PHF2: variants seen among roughly 807,000 people sequenced by gnomAD.
PHF2 encodes the protein PHD finger protein 2, also known as lysine-specific demethylase PHF2.
Under a neutral mutation model 120.5 loss-of-function variants are expected in PHF2, and 27 were observed. The observed-to-expected ratio is 0.22, with a 90% CI of 0.17 to 0.31. The LOEUF (loss-of-function observed/expected upper bound fraction) is 0.31, where lower values mean the gene tolerates loss of function less well. Among genes scored for constraint, PHF2 ranks in the 10% least tolerant of loss-of-function variants. The pLI, the probability that PHF2 is intolerant of heterozygous loss-of-function variation, is 1.00. For missense variants in PHF2, 1,024 were observed against 1,434.8 expected (o/e 0.71, Z 4.63); for synonymous variants, 568 against 592.5 (o/e 0.96, Z 0.60).
intron 3 of PHF2, among the ~76,000 whole-genome samples, chr9:93,643,793 CCT>C (rs1304013040): frequency 6.6e-6 from 1 of 152,140 alleles, no homozygotes; most frequent in East Asian, 1.9e-4. Context: ...CAGATCTGTC[CCT>C]GTCCCCAGCT....
intron 2 of PHF2, among the ~76,000 whole-genome samples, chr9:93,634,687 G>A (rs1826061666): frequency 6.6e-6 from 1 of 152,226 alleles, no homozygotes; most frequent in Non-Finnish European, 1.5e-5. Flanking sequence ...TTGCTCTGAA[G>A]CTGAGCAGCC....
rs1229278927 is a variant in PHF2, at chr9:93,678,497, CAGGGCA to C, written c.*822_*827del. On this transcript the variant is annotated 3_prime_UTR_variant, in exon 22 of 22. Coordinates refer to ENST00000359246, the MANE Select transcript of PHF2 (RefSeq NM_005392.4). ...CAAGGCACCCCTGCCCTGGGACTGGCAGGGCAGGGGCAGGGGCAGGGACAGTGGCCA... is the reference window on the plus strand; with the variant it reads ...CAAGGCACCCCTGCCCTGGGACTGGCGGGGCAGGGGCAGGGACAGTGGCCA... 5 of 152,598 alleles carry C rather than the reference CAGGGCA, an allele frequency of 3.3e-5. No individual in the cohort carries two copies. The highest frequency in any genetic ancestry group is 6.5e-5 in the Admixed American group (1 of 15,290). The allele number at this position is 152,598 out of a possible 1,614,324, so 9.5% of individuals were successfully genotyped here.
At chr9:93,641,073 G>T (rs1051525834) in intron 3 of PHF2, among the ~76,000 whole-genome samples, 3 of 152,128 alleles carry the variant, frequency 2.0e-5, no homozygotes, top group African/African-American at 4.8e-5. Context: ...ATAATTTCAG[G>T]ATTAAATCTC....
intron 14 of PHF2, among the ~76,000 whole-genome samples, chr9:93,664,418 G>T (rs140032662): frequency 6.6e-6 from 1 of 152,206 alleles, no homozygotes; most frequent in Non-Finnish European, 1.5e-5. Flanking sequence ...CTCCCGGTGC[G>T]TGGGACATGT....
intron 1 of PHF2, 43 bp downstream of exon 1, chr9:93,576,914 G>C: frequency 1.1e-6 from 1 of 888,840 alleles, no homozygotes; most frequent in Non-Finnish European, 1.4e-6. Context: ...GCCCGGCCCG[G>C]CCACCTTGCC....
Position 93,662,909 on chromosome 9 carries a change from C to T in PHF2, c.1701C>T (p.Ala567=), listed in dbSNP as rs746772681. The change falls in exon 13 of 22, where the codon GCC becomes GCT. Residue 567 remains alanine, a splice_region_variant and synonymous_variant. Coordinates refer to ENST00000359246, the MANE Select transcript of PHF2 (RefSeq NM_005392.4). ...GTCACAGCAGCCCTTTTTTCTAGGC[C>T]ACAAAGAGTGTCCTGAGTGTGCCCA... ...TKMEPPKKGK[A]TKSVLSVPNK... 1.9e-5 allele frequency: 31 copies of T among 1,613,826 alleles called. No individual in the cohort carries two copies. Among genetic ancestry groups the T allele is most frequent in the Non-Finnish European group, 2.5e-5 (30 of 1,179,890 alleles).
chr9:93,615,420 A>G (rs1825716116), intron 1 of PHF2, among the ~76,000 whole-genome samples: 1 of 152,198 alleles, frequency 6.6e-6, no homozygotes, highest in Non-Finnish European at 1.5e-5. Flanking sequence ...GGTGATGATA[A>G]CTATGACAAG....
chr9:93,642,933 A>G (rs183761503), intron 3 of PHF2, among the ~76,000 whole-genome samples: 4 of 152,142 alleles, frequency 2.6e-5, no homozygotes, highest in East Asian at 3.9e-4. Flanking sequence ...TTCCTTTTCA[A>G]TATTGCCTGG....
chr9:93,645,853 TG>T, intron 4 of PHF2, 64 bp downstream of exon 4: 1 of 1,487,734 alleles, frequency 6.7e-7, no homozygotes, highest in East Asian at 2.4e-5. Context: ...CACCCACCAC[TG>T]TGCATGCTGT....
chr9:93,594,609 C>T (rs758296564), intron 1 of PHF2, among the ~76,000 whole-genome samples: 27 of 152,238 alleles, frequency 1.8e-4, no homozygotes, highest in Non-Finnish European at 4.0e-4. Flanking sequence ...TCCTCTGGCA[C>T]TGCCCTCCTG....
At position 93,591,490 on chromosome 9, in the gene PHF2, A is replaced by G. The variant is rs374250288; in HGVS notation, c.98+14619A>G. Among the ~76,000 whole-genome samples the G allele has an allele frequency of 7.2e-5, 11 of 152,298 alleles. No homozygotes were observed. The East Asian group carries it at 2.1e-3, about 30-fold the overall frequency. ...CGTGTGGACTGGGGGCGTCTCAGGG[A>G]GCAAGCCTCTTTTCACAAGCGGGAA... is the stretch of plus-strand genomic sequence containing the variant. On this transcript the variant is annotated intron_variant, in intron 1 of 21. Coordinates refer to ENST00000359246, the MANE Select transcript of PHF2 (RefSeq NM_005392.4).
chr9:93,612,832 GTC>G (rs1425577881), intron 1 of PHF2, among the ~76,000 whole-genome samples: 6 of 152,356 alleles, frequency 3.9e-5, no homozygotes, highest in Middle Eastern at 3.4e-3. Flanking sequence ...ACCCACCAGT[GTC>G]TCTGTGGGGT....
intron 4 of PHF2, among the ~76,000 whole-genome samples, chr9:93,646,922 TACTG>T (rs1441834923): frequency 2.6e-5 from 4 of 152,138 alleles, no homozygotes; most frequent in African/African-American, 9.7e-5. Context: ...GTGGGGTTCT[TACTG>T]AGGAGGAGGG....
chr9:93,614,512 G>C (rs1425670568), intron 1 of PHF2, among the ~76,000 whole-genome samples: 1 of 152,240 alleles, frequency 6.6e-6, no homozygotes, highest in East Asian at 1.9e-4. Flanking sequence ...TTTGGGTGAA[G>C]TGGGGGCACA....
chr9:93,662,566 G>A (rs1057186369), intron 12 of PHF2, among the ~76,000 whole-genome samples: 2 of 68,662 alleles, frequency 2.9e-5, no homozygotes, highest in Non-Finnish European at 6.9e-5. Flanking sequence ...ATGGATGGAT[G>A]GATGGATGAA....
Position 93,677,557 on chromosome 9 carries a change from C to T in PHF2, c.3203-31C>T, listed in dbSNP as rs775088081. 7 of 1,585,152 alleles carry T rather than the reference C, an allele frequency of 4.4e-6. No individual in the cohort carries two copies. The highest frequency in any genetic ancestry group is 1.7e-5 in the Admixed American group (1 of 59,674). ...GCCCCTTGCCATCTAGCTTACCTTC[C>T]CTTTTTGTGTCCCCTCCCCGACTCC... On this transcript the variant is annotated intron_variant, in intron 21 of 21. Coordinates refer to ENST00000359246, the MANE Select transcript of PHF2 (RefSeq NM_005392.4). This position sits in a 1 kb window ranked among gnomAD's most constrained non-coding sequence, Gnocchi z 4.4.
intron 1 of PHF2, among the ~76,000 whole-genome samples, chr9:93,589,322 G>T (rs916291791): frequency 6.6e-6 from 1 of 152,174 alleles, no homozygotes; most frequent in African/African-American, 2.4e-5. Flanking sequence ...GTGTGTGGTG[G>T]GTGGGATTTC....
At chr9:93,646,769 C>T (rs192193705) in intron 4 of PHF2, among the ~76,000 whole-genome samples, 117 of 152,308 alleles carry the variant, frequency 7.7e-4, no homozygotes, top group Admixed American at 7.6e-3. Flanking sequence ...CTGGGGCTAC[C>T]GAGACTGGGC....
Position 93,629,958 on chromosome 9 carries a change from G to C in PHF2, c.99-12G>C, listed in dbSNP as rs548657825. On this transcript the variant is annotated splice_polypyrimidine_tract_variant and intron_variant, in intron 1 of 21. Coordinates refer to ENST00000359246, the MANE Select transcript of PHF2 (RefSeq NM_005392.4). ...GAATGCCTAGGTAATGGTCTATTTC[G>C]TCTCGTTTCAGCTGTGTTGGGGTGG... 3.1e-6 allele frequency: 5 copies of C among 1,613,842 alleles called. No homozygotes were observed. Among genetic ancestry groups the C allele is most frequent in the Non-Finnish European group, 3.4e-6 (4 of 1,179,758 alleles).
Sources: allele counts gnomAD v4.1 joint callset (sites outside exome capture counted in the v4.1 genomes callset), GRCh38; gene constraint gnomAD v4.1.1; non-coding constraint Gnocchi (gnomAD v3.1); transcripts MANE v1.5; gene names NCBI Gene and HGNC (gene_info 2026-07-23, HGNC 2026-07-21).